Variants in SNX7 observed in about 807,000 individuals in gnomAD.
SNX7 encodes the protein sorting nexin 7, also known as sorting nexin-7.
In SNX7, 35 loss-of-function variants were observed where a neutral mutation model predicts 48.4. The observed-to-expected ratio is 0.72, with a 90% CI of 0.55 to 0.96. The LOEUF (loss-of-function observed/expected upper bound fraction) is 0.96, where lower values mean the gene tolerates loss of function less well. Among genes scored for constraint, SNX7 ranks in the 40% least tolerant of loss-of-function variants. The pLI is 0.00. For synonymous variants in SNX7, 190 were observed against 190.2 expected, an observed-to-expected ratio of 1.00 and a Z score of 0.01; for missense variants, 553 against 548.9, an observed-to-expected ratio of 1.01 and a Z score of -0.07.
At chr1:98,706,308 A>G (rs1652003300) in intron 7 of SNX7, among the ~76,000 whole-genome samples, 1 of 152,138 alleles carries the variant, frequency 6.6e-6, no homozygotes, top group Non-Finnish European at 1.5e-5. Context: ...TTCACCAAGG[A>G]GGTAATGTTT....
chr1:98,712,574 T>G (rs886401728), intron 7 of SNX7, among the ~76,000 whole-genome samples: 1 of 152,204 alleles, frequency 6.6e-6, no homozygotes, highest in Non-Finnish European at 1.5e-5. Context: ...CAGATAACTC[T>G]GTCATCCAGG....
chr1:98,715,948 A>G (rs11166077), intron 7 of SNX7, among the ~76,000 whole-genome samples: 1,734 of 152,104 alleles, frequency 0.011, 36 homozygotes, highest in African/African-American at 0.04. Flanking sequence ...TATATCTATG[A>G]TGTATTTCTG....
chr1:98,716,018 A>G (rs1652572020), intron 7 of SNX7, among the ~76,000 whole-genome samples: 1 of 152,158 alleles, frequency 6.6e-6, no homozygotes, highest in African/African-American at 2.4e-5. Context: ...TAATCTAGTT[A>G]TAGGGATTCA....
At chr1:98,675,653 A>G (rs1650121613) in intron 1 of SNX7, among the ~76,000 whole-genome samples, 1 of 152,230 alleles carries the variant, frequency 6.6e-6, no homozygotes, top group Non-Finnish European at 1.5e-5. Flanking sequence ...TAATGTCAGT[A>G]AAATACAAAG....
Position 98,698,699 on chromosome 1 carries a change from T to G in SNX7, c.839-7T>G, listed in dbSNP as rs1269437398. The G allele has an allele frequency of 1.2e-6, 2 of 1,601,496 alleles. No individual in the cohort carries two copies. The highest frequency in any genetic ancestry group is 1.7e-6 in the Non-Finnish European group (2 of 1,174,334). On this transcript the variant is annotated splice_polypyrimidine_tract_variant and splice_region_variant and intron_variant, in intron 5 of 8. Coordinates refer to ENST00000306121, the MANE Select transcript of SNX7 (RefSeq NM_015976.5). ...GAAGAGCTTATTAAGTCTTTTTTTT[T>G]TTTTAGAATATTTTGATGAAATGAA...
intron 7 of SNX7, among the ~76,000 whole-genome samples, chr1:98,721,145 G>A (rs879161734): frequency 6.6e-6 from 1 of 151,970 alleles, no homozygotes; most frequent in Admixed American, 6.6e-5. Flanking sequence ...TCCAAAATCT[G>A]GTACTTTTTG....
At chr1:98,693,944 T>C (rs895535306) in intron 4 of SNX7, among the ~76,000 whole-genome samples, 28 of 152,236 alleles carry the variant, frequency 1.8e-4, no homozygotes, top group Non-Finnish European at 2.9e-5. Flanking sequence ...GTATTTGTTC[T>C]TTTAACTTAT....
chr1:98,676,474 G>A (rs541730514), intron 1 of SNX7, among the ~76,000 whole-genome samples: 11 of 152,106 alleles, frequency 7.2e-5, no homozygotes, highest in East Asian at 1.9e-4. Flanking sequence ...CTGAACCTTC[G>A]TAATCTTTAT....
intron 1 of SNX7, among the ~76,000 whole-genome samples, chr1:98,669,489 G>A (rs1649729189): frequency 6.6e-6 from 1 of 152,190 alleles, no homozygotes; most frequent in Non-Finnish European, 1.5e-5. Flanking sequence ...TAGGCTGTCA[G>A]CCTTCTCCTT....
chr1:98,688,880 G>A (rs1302199068), intron 2 of SNX7, among the ~76,000 whole-genome samples: 1 of 152,056 alleles, frequency 6.6e-6, no homozygotes, highest in Admixed American at 6.6e-5. Flanking sequence ...GGAAGCTTTT[G>A]TTTGGAAGCT....
At chr1:98,746,278 C>A (rs954816864) in intron 8 of SNX7, among the ~76,000 whole-genome samples, 1 of 152,008 alleles carries the variant, frequency 6.6e-6, no homozygotes, top group African/African-American at 2.4e-5. Flanking sequence ...GGGCATAGTT[C>A]TTTGGGTCTC....
chr1:98,711,182 A>T (rs1420010923), intron 7 of SNX7, among the ~76,000 whole-genome samples: 2 of 151,936 alleles, frequency 1.3e-5, no homozygotes, highest in Non-Finnish European at 2.9e-5. Flanking sequence ...ACGCCCAGCT[A>T]ATTTTTGTAT....
intron 7 of SNX7, among the ~76,000 whole-genome samples, chr1:98,715,063 C>T (rs1652514373): frequency 6.6e-6 from 1 of 152,054 alleles, no homozygotes; most frequent in Admixed American, 6.6e-5. Context: ...AACTATAGTA[C>T]AACCATCAAT....
chr1:98,727,281 G>A (rs1653228963), intron 7 of SNX7, among the ~76,000 whole-genome samples: 2 of 152,180 alleles, frequency 1.3e-5, no homozygotes, highest in African/African-American at 4.8e-5. Context: ...CAGCCCTGTA[G>A]AAGAGAGGCC....
intron 7 of SNX7, among the ~76,000 whole-genome samples, chr1:98,733,636 A>C (rs1005238892): frequency 1.3e-5 from 2 of 152,072 alleles, no homozygotes; most frequent in Admixed American, 6.6e-5. Flanking sequence ...ATGCCTTTCA[A>C]GTTTCCTTTT....
At chr1:98,756,190 C>T (rs189668014) in intron 8 of SNX7, among the ~76,000 whole-genome samples, 2 of 151,940 alleles carry the variant, frequency 1.3e-5, no homozygotes, top group East Asian at 3.9e-4. Flanking sequence ...ATATAAGAAC[C>T]TACAAATGTG....
chr1:98,701,046 G>T (rs1353433116), intron 6 of SNX7, among the ~76,000 whole-genome samples: 1 of 152,106 alleles, frequency 6.6e-6, no homozygotes, highest in African/African-American at 2.4e-5. Context: ...CAAATAAAAA[G>T]AGTCCTTGTA....
intron 7 of SNX7, among the ~76,000 whole-genome samples, chr1:98,720,855 G>A (rs1652830253): frequency 6.6e-6 from 1 of 152,012 alleles, no homozygotes. Flanking sequence ...TCAAAGAAGG[G>A]AGATCATTTC....
At chr1:98,726,523 A>G (rs1032564932) in intron 7 of SNX7, among the ~76,000 whole-genome samples, 4 of 152,190 alleles carry the variant, frequency 2.6e-5, no homozygotes, top group African/African-American at 4.8e-5. Context: ...GGAAATAAAG[A>G]TGTCATTCAA....
Sources: allele counts gnomAD v4.1 joint callset (sites outside exome capture counted in the v4.1 genomes callset), GRCh38; gene constraint gnomAD v4.1.1; transcripts MANE v1.5; gene names NCBI Gene and HGNC (gene_info 2026-07-23, HGNC 2026-07-21).